PRR16: variants seen among roughly 807,000 people sequenced by gnomAD.
PRR16 encodes proline rich 16.
A neutral mutation model predicts 18.2 loss-of-function variants in PRR16; 6 were observed. The observed-to-expected ratio is 0.33, with a 90% CI of 0.18 to 0.65. The LOEUF is 0.65. Among genes scored for constraint, PRR16 ranks in the 30% least tolerant of loss-of-function variants. The pLI is 0.74. For synonymous variants in PRR16, 151 were observed against 147.8 expected, an observed-to-expected ratio of 1.02 and a Z score of -0.16; for missense variants, 412 against 376.6, an observed-to-expected ratio of 1.09 and a Z score of -0.78.
chr5:120,673,140 T>A (rs988205461), intron 1 of PRR16, among the ~76,000 whole-genome samples: 1 of 152,254 alleles, frequency 6.6e-6, no homozygotes, highest in Admixed American at 6.5e-5. Flanking sequence ...CTAAAACTTA[T>A]AGACAAGTAA....
intron 1 of PRR16, among the ~76,000 whole-genome samples, chr5:120,530,885 T>C (rs1301097241): frequency 6.6e-6 from 1 of 152,214 alleles, no homozygotes; most frequent in African/African-American, 2.4e-5. Context: ...AGTAGAAGGA[T>C]TTAGCATGAG....
the PRR16 span, among the ~76,000 whole-genome samples, chr5:120,746,573 T>C: frequency 6.6e-6 from 1 of 152,202 alleles, no homozygotes; most frequent in Non-Finnish European, 1.5e-5. Flanking sequence ...CATGAAACAC[T>C]GGATTAGTAG....
At chr5:120,572,493 T>C (rs1207117384) in intron 1 of PRR16, among the ~76,000 whole-genome samples, 1 of 152,166 alleles carries the variant, frequency 6.6e-6, no homozygotes, top group Non-Finnish European at 1.5e-5. Flanking sequence ...TTTCATTTTG[T>C]ACATATTAAG....
intron 1 of PRR16, among the ~76,000 whole-genome samples, chr5:120,650,437 C>A: frequency 6.6e-6 from 1 of 150,764 alleles, no homozygotes; most frequent in Non-Finnish European, 1.5e-5. Context: ...AGTAACTCAT[C>A]ATTTAACATT....
chr5:120,711,283 A>C, the PRR16 span, among the ~76,000 whole-genome samples: 2 of 152,194 alleles, frequency 1.3e-5, no homozygotes, highest in Non-Finnish European at 2.9e-5. Flanking sequence ...GCCTAACACA[A>C]CTACAATTAT....
chr5:120,709,353 C>G, the PRR16 span, among the ~76,000 whole-genome samples: 1 of 152,010 alleles, frequency 6.6e-6, no homozygotes, highest in Non-Finnish European at 1.5e-5. Flanking sequence ...TTTTTAAAAA[C>G]AATTATATGG....
intron 1 of PRR16, among the ~76,000 whole-genome samples, chr5:120,498,885 G>T (rs564881168): frequency 2.0e-5 from 3 of 151,882 alleles, no homozygotes; most frequent in Non-Finnish European, 4.4e-5. Flanking sequence ...AAAAATTTCT[G>T]CTGTCTTTTA....
chr5:120,464,996 C>CA (rs1749028403), intron 1 of PRR16, among the ~76,000 whole-genome samples: 1 of 152,098 alleles, frequency 6.6e-6, no homozygotes, highest in Admixed American at 6.5e-5. Flanking sequence ...CTGGAGCGTG[C>CA]AAGATGCTCC....
the PRR16 span, among the ~76,000 whole-genome samples, chr5:120,706,733 CAAG>C: frequency 5.9e-5 from 9 of 152,218 alleles, no homozygotes; most frequent in East Asian, 1.9e-4. Context: ...GTTAAACAGA[CAAG>C]AAAGATTTTA....
At chr5:120,633,726 AG>A (rs1287544265) in intron 1 of PRR16, among the ~76,000 whole-genome samples, 15 of 149,990 alleles carry the variant, frequency 1.0e-4, no homozygotes, top group African/African-American at 3.7e-4. Context: ...TTTGTAAAAC[AG>A]TTACTACTAG....
At chr5:120,696,113 G>A in the PRR16 span, among the ~76,000 whole-genome samples, 12 of 152,000 alleles carry the variant, frequency 7.9e-5, no homozygotes, top group Admixed American at 5.9e-4. Context: ...GTAGTGGCGA[G>A]CGCCTGTAGT....
chr5:120,582,206 G>A (rs1228799159), intron 1 of PRR16, among the ~76,000 whole-genome samples: 3 of 152,052 alleles, frequency 2.0e-5, no homozygotes, highest in Non-Finnish European at 4.4e-5. Flanking sequence ...CTCAGAAACA[G>A]AAAATGAAAT....
intron 1 of PRR16, among the ~76,000 whole-genome samples, chr5:120,623,126 C>G (rs1754745682): frequency 6.6e-6 from 1 of 151,594 alleles, no homozygotes; most frequent in African/African-American, 2.4e-5. Context: ...ACTGTTACTA[C>G]AGTTATTTTA....
chr5:120,608,517 T>C (rs1754229795), intron 1 of PRR16, among the ~76,000 whole-genome samples: 1 of 152,198 alleles, frequency 6.6e-6, no homozygotes, highest in Non-Finnish European at 1.5e-5. Context: ...CACAAGATGA[T>C]TACTTGTTTA....
chr5:120,749,913 G>C, the PRR16 span, among the ~76,000 whole-genome samples: 1 of 152,042 alleles, frequency 6.6e-6, no homozygotes, highest in African/African-American at 2.4e-5. Flanking sequence ...GATTTATAGA[G>C]ACTCTTTGTT....
chr5:120,504,267 A>T (rs1330401894), intron 1 of PRR16, among the ~76,000 whole-genome samples: 1 of 152,120 alleles, frequency 6.6e-6, no homozygotes, highest in Non-Finnish European at 1.5e-5. Context: ...GTAAACAACC[A>T]ACCATGTTGC....
chr5:120,761,604 CATA>C, the PRR16 span, among the ~76,000 whole-genome samples: 28 of 152,098 alleles, frequency 1.8e-4, 1 homozygote, highest in East Asian at 5.4e-3. Context: ...TTTATCAGTA[CATA>C]ATATTTGTAC....
At chr5:120,582,132 C>T (rs185834457) in intron 1 of PRR16, among the ~76,000 whole-genome samples, 3 of 152,172 alleles carry the variant, frequency 2.0e-5, no homozygotes, top group Non-Finnish European at 2.9e-5. Context: ...GCAATAAAAA[C>T]GATGAAATCA....
chr5:120,608,805 A>G (rs1362920536), intron 1 of PRR16, among the ~76,000 whole-genome samples: 2 of 152,024 alleles, frequency 1.3e-5, no homozygotes, highest in African/African-American at 2.4e-5. Context: ...TTCTATTTGT[A>G]TTTTGACCTT....
Sources: allele counts gnomAD v4.1 joint callset (sites outside exome capture counted in the v4.1 genomes callset), GRCh38; gene constraint gnomAD v4.1.1; transcripts MANE v1.5; gene names NCBI Gene and HGNC (gene_info 2026-07-23, HGNC 2026-07-21).